Variants in PCED1B observed in about 807,000 individuals in gnomAD.
PCED1B encodes PC-esterase domain containing 1B.
For missense variants in PCED1B, 573 were observed against 573.9 expected, an observed-to-expected ratio of 1.00 and a Z score of 0.02; for synonymous variants, 251 against 246.1, an observed-to-expected ratio of 1.02 and a Z score of -0.19.
At chr12:47,185,324 A>G (rs1942220529) in intron 2 of PCED1B, among the ~76,000 whole-genome samples, 1 of 152,240 alleles carries the variant, frequency 6.6e-6, no homozygotes, top group African/African-American at 2.4e-5. Context: ...AGAGAACGCT[A>G]TGTGAAGGCA....
intron 2 of PCED1B, among the ~76,000 whole-genome samples, chr12:47,184,817 A>T (rs1350632699): frequency 1.3e-5 from 2 of 152,128 alleles, no homozygotes; most frequent in African/African-American, 4.8e-5. Flanking sequence ...TTATTACCTT[A>T]CTTATTTTTC....
chr12:47,198,629 A>G (rs1025548933), intron 2 of PCED1B, among the ~76,000 whole-genome samples: 4 of 152,158 alleles, frequency 2.6e-5, no homozygotes, highest in African/African-American at 9.7e-5. Context: ...GAGAAGGAAG[A>G]AAGAAATAAA....
At chr12:47,095,228 T>C (rs964664720) in intron 1 of PCED1B, among the ~76,000 whole-genome samples, 1 of 152,156 alleles carries the variant, frequency 6.6e-6, no homozygotes, top group Non-Finnish European at 1.5e-5. Flanking sequence ...ATAATTCTAG[T>C]CTGGCAATTA....
intron 3 of PCED1B, among the ~76,000 whole-genome samples, chr12:47,217,500 GAA>G (rs1399446564): frequency 1.7e-5 from 2 of 116,144 alleles, no homozygotes; most frequent in Admixed American, 7.7e-5. Flanking sequence ...AAGAAAGAAA[GAA>G]AGAAAGAAAG....
chr12:47,190,245 A>G (rs1242204161), intron 2 of PCED1B, among the ~76,000 whole-genome samples: 1 of 152,192 alleles, frequency 6.6e-6, no homozygotes, highest in East Asian at 1.9e-4. Context: ...CGTTCTTCCC[A>G]TGGTGCTGGT....
At position 47,184,699 on chromosome 12, in the gene PCED1B, G is replaced by A. The variant is rs78981816; in HGVS notation, c.-525-31523G>A. 5.1e-3 allele frequency among the ~76,000 whole-genome samples: 742 copies of A among 144,532 alleles called. 2 individuals carry two copies. The highest frequency in any genetic ancestry group is 0.018 in the African/African-American group (701 of 38,912). The allele number at this position is 144,532 out of a possible 152,430, so 94.8% of individuals were successfully genotyped here. On this transcript the variant is annotated intron_variant, in intron 2 of 3. Coordinates refer to ENST00000546455, the MANE Select transcript of PCED1B (RefSeq NM_138371.3). The stretch of plus-strand genomic sequence containing the variant: ...AAAAAAATTACAATCTACAAATACC[G>A]TCATTTCATAAAAGAAAGGATATTT...
Position 47,236,412 on chromosome 12 carries a change from G to A in PCED1B, c.*50G>A, listed in dbSNP as rs147692732. ...TTATGAACATGGATTGGACAGATCT[G>A]ACACTTCCTTTCCATTGCTTGGCCT... On this transcript the variant is annotated 3_prime_UTR_variant, in exon 4 of 4. Coordinates refer to ENST00000546455, the MANE Select transcript of PCED1B (RefSeq NM_138371.3). 1,989 of 1,456,194 alleles carry A rather than the reference G, an allele frequency of 1.4e-3. 20 individuals are homozygous for A. The highest frequency in any genetic ancestry group is 0.011 in the African/African-American group (744 of 70,026). The allele number at this position is 1,456,194 out of a possible 1,614,324, so 90.2% of individuals were successfully genotyped here. A position where few individuals can be genotyped will look rare whatever the true frequency, so the allele number is the denominator to read the frequency against.
At chr12:47,114,484 G>C (rs1202520970) in intron 2 of PCED1B, among the ~76,000 whole-genome samples, 1 of 152,142 alleles carries the variant, frequency 6.6e-6, no homozygotes, top group Admixed American at 6.5e-5. Context: ...TAGAACCCCT[G>C]CACCAGAGAC....
chr12:47,175,386 T>G (rs886654291), intron 2 of PCED1B, among the ~76,000 whole-genome samples: 1 of 152,196 alleles, frequency 6.6e-6, no homozygotes, highest in Non-Finnish European at 1.5e-5. Flanking sequence ...TATCCATGAA[T>G]TAAATTAATT....
At chr12:47,124,650 A>G (rs1183580231) in intron 2 of PCED1B, among the ~76,000 whole-genome samples, 2 of 151,986 alleles carry the variant, frequency 1.3e-5, no homozygotes, top group Admixed American at 6.6e-5. Flanking sequence ...TCAGCAGTAT[A>G]TGAGCATTCC....
At chr12:47,136,621 CT>C (rs1161644470) in intron 2 of PCED1B, among the ~76,000 whole-genome samples, 4 of 152,186 alleles carry the variant, frequency 2.6e-5, no homozygotes, top group Non-Finnish European at 5.9e-5. Context: ...TTTCATACTC[CT>C]TAATCTTCCC....
chr12:47,082,210 T>C (rs1487260110), intron 1 of PCED1B, among the ~76,000 whole-genome samples: 3 of 152,240 alleles, frequency 2.0e-5, no homozygotes, highest in African/African-American at 7.2e-5. Flanking sequence ...AGCAGTTTTA[T>C]CTGTTTTGTG....
intron 1 of PCED1B, among the ~76,000 whole-genome samples, chr12:47,094,591 G>C (rs1441331136): frequency 6.6e-6 from 1 of 151,430 alleles, no homozygotes; most frequent in Non-Finnish European, 1.5e-5. Context: ...AATTCTAATA[G>C]TAACTATCCT....
intron 2 of PCED1B, among the ~76,000 whole-genome samples, chr12:47,207,675 T>C (rs1302313017): frequency 2.0e-5 from 3 of 152,230 alleles, no homozygotes; most frequent in African/African-American, 7.2e-5. Context: ...TACACAAATA[T>C]GTAAGTATGC....
intron 2 of PCED1B, among the ~76,000 whole-genome samples, chr12:47,125,777 T>A (rs562530854): frequency 7.2e-4 from 109 of 152,226 alleles, no homozygotes; most frequent in African/African-American, 2.5e-3. Flanking sequence ...ATAAAGGGAA[T>A]TATGTTTTTA....
chr12:47,132,458 C>T (rs568154511), intron 2 of PCED1B, among the ~76,000 whole-genome samples: 3 of 152,248 alleles, frequency 2.0e-5, no homozygotes, highest in South Asian at 2.1e-4. Flanking sequence ...GGGAATTAAA[C>T]GGCTTGCACT....
intron 2 of PCED1B, among the ~76,000 whole-genome samples, chr12:47,197,409 C>T (rs959010063): frequency 5.3e-5 from 8 of 151,638 alleles, no homozygotes; most frequent in African/African-American, 1.9e-4. Context: ...GAGTTTGAGA[C>T]CAGCCTGGCC....
chr12:47,215,750 G>C (rs1007542745), intron 2 of PCED1B, among the ~76,000 whole-genome samples: 6 of 152,082 alleles, frequency 3.9e-5, no homozygotes, highest in African/African-American at 7.2e-5. Context: ...GAGATGAAGT[G>C]AAAGGATTTA....
chr12:47,234,959 TCC>T, intron 3 of PCED1B, 46 bp from the exon 4 acceptor site: 4 of 1,083,626 alleles, frequency 3.7e-6, no homozygotes, highest in Non-Finnish European at 5.1e-6. Flanking sequence ...CACTGGGCGC[TCC>T]GCCCAGAGGT....
Sources: allele counts gnomAD v4.1 joint callset (sites outside exome capture counted in the v4.1 genomes callset), GRCh38; gene constraint gnomAD v4.1.1; transcripts MANE v1.5; gene names NCBI Gene and HGNC (gene_info 2026-07-23, HGNC 2026-07-21).